Variants in PPP2R2C observed in about 807,000 individuals in gnomAD.
PPP2R2C encodes protein phosphatase 2, regulatory subunit B, gamma.
A neutral mutation model predicts 45.3 loss-of-function variants in PPP2R2C; 10 were observed. The ratio of observed to expected loss-of-function variants is 0.22; its 90% CI spans 0.14 to 0.37. PPP2R2C has a LOEUF of 0.37. PPP2R2C is among the 10% of genes least tolerant of loss of function. The probability of loss-of-function intolerance (pLI) is 1.00; values close to 1 mark genes in which losing one functional copy is unlikely to be tolerated. For synonymous variants in PPP2R2C, 257 were observed against 245.4 expected (o/e 1.05, Z -0.44); for missense variants, 308 against 619.7 (o/e 0.50, Z 5.34).
At chr4:6,428,248 T>C (rs985306910) in intron 1 of PPP2R2C, among the ~76,000 whole-genome samples, 15 of 152,206 alleles carry the variant, frequency 9.9e-5, no homozygotes, top group African/African-American at 3.4e-4. Context: ...ATGCCCTCTA[T>C]TTGCCTCCAG....
chr4:6,549,413 G>A (rs4689478), intron 1 of PPP2R2C, among the ~76,000 whole-genome samples: 133,176 of 152,178 alleles, frequency 0.88, 60,838 homozygotes, highest in East Asian at 1. Context: ...GAGGCCTCCC[G>A]GAGGAGGTGA....
At chr4:6,535,986 T>C (rs1724598790) in intron 1 of PPP2R2C, among the ~76,000 whole-genome samples, 2 of 152,236 alleles carry the variant, frequency 1.3e-5, no homozygotes, top group Non-Finnish European at 2.9e-5. Context: ...TTGAGGTTGC[T>C]TGGCTGCCTT....
intron 1 of PPP2R2C, among the ~76,000 whole-genome samples, chr4:6,395,967 A>C (rs1278712472): frequency 6.6e-6 from 1 of 152,094 alleles, no homozygotes; most frequent in Non-Finnish European, 1.5e-5. Context: ...CAGGCAGCAA[A>C]CAAGGAGTGG....
intron 5 of PPP2R2C, chr4:6,349,562 C>T (rs1337988014): frequency 5.1e-6 from 5 of 985,304 alleles, no homozygotes; most frequent in Non-Finnish European, 6.0e-6. Flanking sequence ...TGCTGCCTCT[C>T]TCAGTAAGAA....
chr4:6,336,925 C>T (rs1404466493), intron 6 of PPP2R2C, among the ~76,000 whole-genome samples: 1 of 77,636 alleles, frequency 1.3e-5, no homozygotes, highest in Non-Finnish European at 2.7e-5. Context: ...CCCTCCCTCC[C>T]TCCTGTGAGC....
intron 1 of PPP2R2C, among the ~76,000 whole-genome samples, chr4:6,457,858 G>T (rs1212467628): frequency 6.6e-6 from 1 of 152,192 alleles, no homozygotes; most frequent in African/African-American, 2.4e-5. Flanking sequence ...TCTATGCTTT[G>T]CAGAATTATC....
At chr4:6,356,681 T>C (rs1469285226) in intron 5 of PPP2R2C, among the ~76,000 whole-genome samples, 1 of 152,200 alleles carries the variant, frequency 6.6e-6, no homozygotes, top group Admixed American at 6.5e-5. Flanking sequence ...GAGTGGGCGC[T>C]CTGTAGGTGA....
chr4:6,323,455 G>GC lies in PPP2R2C; in HGVS notation c.1190dup (p.Lys398GlnfsTer5). The stretch of plus-strand genomic sequence containing the variant: ...CACTGATGTCATCACGCCGGCGCTT[G>GC]CCCCCCACGCACACGCGCCGTGGCT... On this transcript the variant is annotated frameshift_variant, in exon 9 of 9. Transcript: ENST00000382599. LOFTEE classifies it high-confidence loss of function. The GC allele has an allele frequency of 6.2e-7, 1 of 1,613,296 alleles. No homozygotes were observed. The highest frequency in any genetic ancestry group is 8.5e-7 in the Non-Finnish European group (1 of 1,179,320).
At chr4:6,558,051 G>T (rs981951638) in intron 1 of PPP2R2C, among the ~76,000 whole-genome samples, 3 of 152,136 alleles carry the variant, frequency 2.0e-5, no homozygotes, top group Non-Finnish European at 4.4e-5. Context: ...TCTTAAAGGT[G>T]CCCGAGCCCA....
At chr4:6,372,257 C>A (rs1223278008) in intron 5 of PPP2R2C, among the ~76,000 whole-genome samples, 1 of 152,218 alleles carries the variant, frequency 6.6e-6, no homozygotes, top group Non-Finnish European at 1.5e-5. Flanking sequence ...CCTTGTGAGG[C>A]CCTAGGATGA....
intron 1 of PPP2R2C, chr4:6,421,205 G>A: frequency 1.1e-6 from 1 of 875,586 alleles, no homozygotes; most frequent in Non-Finnish European, 1.4e-6. Context: ...GCTCCCACCT[G>A]GACCCAGGAG....
chr4:6,438,329 G>A (rs1262565695), intron 1 of PPP2R2C, among the ~76,000 whole-genome samples: 1 of 152,220 alleles, frequency 6.6e-6, no homozygotes, highest in Non-Finnish European at 1.5e-5. Context: ...GGAAGCAACT[G>A]AATGCAAAAT....
At chr4:6,512,560 G>GTGA (rs1560595606) in intron 2 of PPP2R2C, among the ~76,000 whole-genome samples, 1 of 122,610 alleles carries the variant, frequency 8.2e-6, no homozygotes, top group Non-Finnish European at 1.7e-5. Context: ...GGTGATGGTG[G>GTGA]TGGTGGTGGT....
In PPP2R2C at chr4:6,378,339, A is replaced by T. The variant is rs985804280; in HGVS notation, c.334+68T>A. The T allele has an allele frequency of 6.2e-7, 1 of 1,605,764 alleles. No homozygotes were observed. The highest frequency in any genetic ancestry group is 1.7e-5 in the Admixed American group (1 of 58,768). On this transcript the variant is annotated intron_variant, in intron 3 of 8. Coordinates refer to ENST00000382599, the MANE Select transcript of PPP2R2C (RefSeq NM_020416.4). This position sits in a 1 kb window ranked among gnomAD's most constrained non-coding sequence, Gnocchi z 5.2. Reference sequence around the variant, plus strand: ...AAAATGCTCACAATATAAGTGAAATACAAACCAGCATTTGGTAGAAACATC... The same window carrying T: ...AAAATGCTCACAATATAAGTGAAATTCAAACCAGCATTTGGTAGAAACATC...
intron 1 of PPP2R2C, among the ~76,000 whole-genome samples, chr4:6,421,470 A>C (rs1351709819): frequency 6.6e-6 from 1 of 152,172 alleles, no homozygotes; most frequent in South Asian, 2.1e-4. Flanking sequence ...GTGTTTGATA[A>C]GTGTTTGTGG....
At chr4:6,478,749 A>C (rs1355770221) in intron 2 of PPP2R2C, among the ~76,000 whole-genome samples, 1 of 151,992 alleles carries the variant, frequency 6.6e-6, no homozygotes, top group Non-Finnish European at 1.5e-5. Flanking sequence ...GCCGTGAATG[A>C]CCCTCCAAAA....
intron 1 of PPP2R2C, among the ~76,000 whole-genome samples, chr4:6,458,389 C>T (rs1721153490): frequency 6.6e-6 from 1 of 152,178 alleles, no homozygotes. Context: ...GGTCCAACTT[C>T]CTGACTCTCA....
intron 1 of PPP2R2C, among the ~76,000 whole-genome samples, chr4:6,553,966 T>C (rs938761959): frequency 1.3e-5 from 2 of 152,284 alleles, no homozygotes; most frequent in African/African-American, 4.8e-5. Flanking sequence ...TGCTCCCTGA[T>C]GGAAGCCTTC....
intron 1 of PPP2R2C, among the ~76,000 whole-genome samples, chr4:6,560,520 A>G (rs1457942873): frequency 6.6e-6 from 1 of 152,130 alleles, no homozygotes; most frequent in Non-Finnish European, 1.5e-5. Flanking sequence ...AACGGAGCCA[A>G]CAAGAGCACC....
Sources: gnomAD v4.1 joint callset for allele counts (sites outside exome capture counted in the v4.1 genomes callset) on GRCh38, gnomAD v4.1.1 for gene constraint, Gnocchi (gnomAD v3.1) non-coding constraint, MANE v1.5 for transcripts, NCBI Gene and HGNC (gene_info 2026-07-23, HGNC 2026-07-21) for gene names.